ISL1: variants seen among roughly 807,000 people sequenced by gnomAD.
ISL1 encodes the protein insulin gene enhancer protein ISL-1.
In ISL1, 4 loss-of-function variants were observed where a neutral mutation model predicts 35.3. The observed-to-expected ratio is 0.11, with a 90% CI of 0.06 to 0.26. ISL1 has a LOEUF of 0.26. Among genes scored for constraint, ISL1 ranks in the 10% least tolerant of loss-of-function variants. The pLI is 1.00. For synonymous variants in ISL1, 186 were observed against 172.3 expected, an observed-to-expected ratio of 1.08 and a Z score of -0.62; for missense variants, 340 against 472.8, an observed-to-expected ratio of 0.72 and a Z score of 2.60.
rs1444345303 is a variant in ISL1, at chr5:51,389,407, T to C, written c.479-239T>C. ...AGGCCGGGATTACTCAGCAAAGACC[T>C]CTGCAGATTAGAGAGGAAGATTTTA... On this transcript the variant is annotated intron_variant, in intron 3 of 5. Transcript: ENST00000230658. The surrounding 1 kb of genome is among the most constrained non-coding windows in gnomAD (Gnocchi z 5.0). Among the ~76,000 whole-genome samples the C allele has an allele frequency of 6.6e-6, 1 of 152,098 alleles. No individual in the cohort carries two copies. Among genetic ancestry groups the C allele is most frequent in the Non-Finnish European group, 1.5e-5 (1 of 68,016 alleles).
rs757836659 is a variant in ISL1 at position 51,389,656 on chromosome 5, C to T, written c.489C>T (p.Ile163=). ...CTCCTTGCCCCGCAGCGGAGCCCAT[C>T]TCCGCCAGGCAGCCAGCCCTGCGGC... ...ARPLQMAAEP[I]SARQPALRPH... Residue 163 remains isoleucine (I), a synonymous_variant, in exon 4 of 6, where the codon ATC becomes ATT. Coordinates refer to ENST00000230658, the MANE Select transcript of ISL1 (RefSeq NM_002202.3). This position sits in a 1 kb window ranked among gnomAD's most constrained non-coding sequence, Gnocchi z 5.0. 6.2e-7 allele frequency: 1 copy of T among 1,609,570 alleles called. No individual in the cohort carries two copies. Among genetic ancestry groups the T allele is most frequent in the East Asian group, 2.2e-5 (1 of 44,804 alleles).
rs1380483229 is a variant in ISL1 at position 51,389,578 on chromosome 5, C to A, written c.479-68C>A. ...GCGGGCAAGCGAGCGAGCGAGCGAG[C>A]GCGCGACCGCGGGCGGGCCGGCAAG... On this transcript the variant is annotated intron_variant, in intron 3 of 5. Transcript: ENST00000230658. This position sits in a 1 kb window ranked among gnomAD's most constrained non-coding sequence, Gnocchi z 5.0. The A allele has an allele frequency of 7.4e-7, 1 of 1,354,730 alleles. No individual in the cohort carries two copies. The highest frequency in any genetic ancestry group is 1.7e-5 in the South Asian group (1 of 57,330). The allele number at this position is 1,354,730 out of a possible 1,614,324, so 83.9% of individuals were successfully genotyped here. A position where few individuals can be genotyped will look rare whatever the true frequency, so the allele number is the denominator to read the frequency against.
chr5:51,384,531 T>G lies in ISL1; in HGVS notation c.29-10T>G, dbSNP rs771809148. On this transcript the variant is annotated splice_polypyrimidine_tract_variant and intron_variant, in intron 1 of 5. Coordinates refer to ENST00000230658, the MANE Select transcript of ISL1 (RefSeq NM_002202.3). ...ACGGTTAGTCAATCATGTATTTATT[T>G]TCATTTCAGAAAAACGTCTGATTTC... 4 of 1,613,520 alleles carry G rather than the reference T, an allele frequency of 2.5e-6. No individual in the cohort carries two copies. The African/African-American group carries it at 4.0e-5, about 16-fold the overall frequency.
rs1465376046 is a variant in ISL1, at chr5:51,391,589, G to T, written c.933+148G>T. 34 of 851,426 alleles carry T rather than the reference G, an allele frequency of 4.0e-5. 1 individual carries two copies. In the East Asian group the frequency reaches 8.4e-4, roughly 21 times the overall value. The allele number at this position is 851,426 out of a possible 1,614,324, so 52.7% of individuals were successfully genotyped here. On this transcript the variant is annotated intron_variant, in intron 5 of 5. Transcript: ENST00000230658. The stretch of plus-strand genomic sequence containing the variant: ...AAGGAGGTGGGTAATGAAGAGAAGG[G>T]AGACAAATGCAGGGAAAACGAACCT...
At chr5:51,391,075 C>A (rs1747501938) in intron 4 of ISL1, among the ~76,000 whole-genome samples, 199 bp from the exon 5 acceptor site, 1 of 152,016 alleles carries the variant, frequency 6.6e-6, no homozygotes, top group Admixed American at 6.5e-5. Flanking sequence ...ATAGTCCAGC[C>A]CACAGAGGCA....
At chr5:51,393,414 A>C in intron 5 of ISL1, 80 bp from the exon 6 acceptor site, 1 of 829,860 alleles carries the variant, frequency 1.2e-6, no homozygotes, top group Admixed American at 1.7e-5. Context: ...ACATTTCTAC[A>C]TATACAATAT....
chr5:51,386,717 G>T (rs1300718273), intron 2 of ISL1: 1 of 432,194 alleles, frequency 2.3e-6, no homozygotes, highest in African/African-American at 2.1e-5. Flanking sequence ...ATTGAAATGA[G>T]GTAGATGATT....
In ISL1 at chr5:51,383,582, A is replaced by C; in HGVS notation, c.-90A>C. ...GCAACCCCAGGGGCCAATATTTCCCACTTAGCCACAGCTCCAGCATCCTCT... is the reference window on the plus strand; with the variant it reads ...GCAACCCCAGGGGCCAATATTTCCCCCTTAGCCACAGCTCCAGCATCCTCT... On this transcript the variant is annotated 5_prime_UTR_variant, in exon 1 of 6. Coordinates refer to ENST00000230658, the MANE Select transcript of ISL1 (RefSeq NM_002202.3). 8.9e-7 allele frequency: 1 copy of C among 1,121,760 alleles called. No individual in the cohort carries two copies. The allele number at this position is 1,121,760 out of a possible 1,614,324, so 69.5% of individuals were successfully genotyped here. A position where few individuals can be genotyped will look rare whatever the true frequency, so the allele number is the denominator to read the frequency against.
In ISL1 at chr5:51,390,636, CTTTTTCTT is replaced by C. The variant is rs1315572110; in HGVS notation, c.766-632_766-625del. ...TTTTCTTCCTTTTTTTCTTTTCTTT[CTTTTTCTT>C]TTTTTTTTTTTTTTTTTTTTTTTTT... On this transcript the variant is annotated intron_variant, in intron 4 of 5. Coordinates refer to ENST00000230658, the MANE Select transcript of ISL1 (RefSeq NM_002202.3). Among the ~76,000 whole-genome samples the C allele has an allele frequency of 2.5e-3, 187 of 74,328 alleles. 14 individuals are homozygous for C. Among genetic ancestry groups the C allele is most frequent in the Admixed American group, 5.5e-3 (36 of 6,600 alleles). 48.8% of individuals were successfully genotyped at this position (74,328 alleles called of 152,430 possible). A position where few individuals can be genotyped will look rare whatever the true frequency, so the allele number is the denominator to read the frequency against.
chr5:51,385,726 CAG>C (rs1471402190), intron 2 of ISL1, among the ~76,000 whole-genome samples: 1 of 151,988 alleles, frequency 6.6e-6, no homozygotes, highest in Admixed American at 6.5e-5. Flanking sequence ...TATTAACAAA[CAG>C]AAGAGACATC....
chr5:51,383,717 CT>C lies in ISL1; in HGVS notation c.28+20del. The C allele has an allele frequency of 6.2e-7, 1 of 1,604,878 alleles. No individual in the cohort carries two copies. The highest frequency in any genetic ancestry group is 8.5e-7 in the Non-Finnish European group (1 of 1,171,468). On this transcript the variant is annotated intron_variant, in intron 1 of 5. Transcript: ENST00000230658. Reference sequence around the variant, plus strand: ...ACCAAAAAGTAAGAGGCTATTTTACCTTGTGGGGCTCGGTGTGCTGTTCTTG... The same window carrying C: ...ACCAAAAAGTAAGAGGCTATTTTACCTGTGGGGCTCGGTGTGCTGTTCTTG...
Position 51,393,675 on chromosome 5 carries a change from G to T in ISL1, c.*65G>T. ...GTGGGAAATTATAATGTCGAACTCT[G>T]AAACAAAAGTATTTAACGACCCAGT... On this transcript the variant is annotated 3_prime_UTR_variant, in exon 6 of 6. Coordinates refer to ENST00000230658, the MANE Select transcript of ISL1 (RefSeq NM_002202.3). The T allele has an allele frequency of 1.0e-6, 1 of 997,814 alleles. No individual in the cohort carries two copies. Among genetic ancestry groups the T allele is most frequent in the Non-Finnish European group, 1.6e-6 (1 of 618,206 alleles). 61.8% of individuals were successfully genotyped at this position (997,814 alleles called of 1,614,324 possible). A position where few individuals can be genotyped will look rare whatever the true frequency, so the allele number is the denominator to read the frequency against.
chr5:51,385,580 T>TG (rs911110239), intron 2 of ISL1, among the ~76,000 whole-genome samples: 5 of 1,824 alleles, frequency 2.7e-3, no homozygotes, highest in South Asian at 0.033. Flanking sequence ...GGAGAGTTTT[T>TG]GTTTTTTTTT....
At position 51,393,625 on chromosome 5, in the gene ISL1, G is replaced by A. The variant is rs1312384654; in HGVS notation, c.*15G>A. 1.3e-6 allele frequency: 2 copies of A among 1,496,906 alleles called. No individual in the cohort carries two copies. Among genetic ancestry groups the A allele is most frequent in the Non-Finnish European group, 1.9e-6 (2 of 1,073,252 alleles). 92.7% of individuals were successfully genotyped at this position (1,496,906 alleles called of 1,614,324 possible). ...TTGAGGCATGAGGAACATTCATTCTGTATTTTTTTTCCCTGTTGGAGAAAG... is the reference window on the plus strand; with the variant it reads ...TTGAGGCATGAGGAACATTCATTCTATATTTTTTTTCCCTGTTGGAGAAAG... On this transcript the variant is annotated 3_prime_UTR_variant, in exon 6 of 6. Transcript: ENST00000230658.
Position 51,384,686 on chromosome 5 carries a change from C to G in ISL1, c.174C>G (p.Cys58Trp). 2 of 1,614,076 alleles carry G rather than the reference C, an allele frequency of 1.2e-6. No individual in the cohort carries two copies. Among genetic ancestry groups the G allele is most frequent in the Non-Finnish European group, 1.7e-6 (2 of 1,179,988 alleles). ...CNQYLDESCTCFVRDGKTYCK... is the reference protein window; with the variant it reads ...CNQYLDESCTWFVRDGKTYCK... Reference sequence around the variant, plus strand: ...AGTATTTGGACGAGAGCTGTACATGCTTTGTTAGGGATGGGAAAACCTACT... The same window carrying G: ...AGTATTTGGACGAGAGCTGTACATGGTTTGTTAGGGATGGGAAAACCTACT... The change falls in exon 2 of 6, where the codon TGC becomes TGG. Residue 58 changes from cysteine (C) to tryptophan (W), a missense_variant. Cys to Trp is a radical substitution (Grantham distance 215). Around this residue, in one of 7 missense-constraint regions of ISL1, gnomAD observed 70 missense variants for 130.3 expected, o/e 0.54. Coordinates refer to ENST00000230658, the MANE Select transcript of ISL1 (RefSeq NM_002202.3).
chr5:51,389,136 C>T lies in ISL1; in HGVS notation c.479-510C>T, dbSNP rs1418767978. Among the ~76,000 whole-genome samples the T allele has an allele frequency of 6.6e-6, 1 of 152,102 alleles. No homozygotes were observed. Among genetic ancestry groups the T allele is most frequent in the Non-Finnish European group, 1.5e-5 (1 of 68,026 alleles). On this transcript the variant is annotated intron_variant, in intron 3 of 5. Transcript: ENST00000230658. This position sits in a 1 kb window ranked among gnomAD's most constrained non-coding sequence, Gnocchi z 5.0. ...CTGCTGGTGTAGTATTTATGGCTGT[C>T]ACTGAAGTGCTCTGCGTTCCTTTCC...
intron 3 of ISL1, among the ~76,000 whole-genome samples, chr5:51,388,308 C>T (rs1302484539): frequency 6.6e-6 from 1 of 152,162 alleles, no homozygotes; most frequent in African/African-American, 2.4e-5. Flanking sequence ...GTTTTAAAAA[C>T]TGCAGGCCAT....
At position 51,391,329 on chromosome 5, in the gene ISL1, A is replaced by G. The variant is rs1180039917; in HGVS notation, c.821A>G (p.Asp274Gly). The part of the protein sequence containing the change: ...PMVAASPERH[D>G]GGLQANPVEV... ...GTGGCTGCCAGTCCAGAGAGACACG[A>G]CGGTGGCTTACAGGCTAACCCAGTG... Residue 274 changes from aspartate (D) to glycine (G), a missense_variant, in exon 5 of 6, where the codon GAC (aspartate) becomes GGC (glycine). By Grantham distance (94) the Asp-to-Gly change is moderately conservative. Around this residue, in one of 7 missense-constraint regions of ISL1, gnomAD observed 104 missense variants for 97.3 expected, o/e 1.07. Transcript: ENST00000230658. 6.2e-7 allele frequency: 1 copy of G among 1,613,852 alleles called. No individual in the cohort carries two copies. The highest frequency in any genetic ancestry group is 2.2e-5 in the East Asian group (1 of 44,868).
chr5:51,383,763 CACAGG>C, intron 1 of ISL1, 64 bp downstream of exon 1: 1 of 1,428,674 alleles, frequency 7.0e-7, no homozygotes, highest in Non-Finnish European at 9.9e-7. Flanking sequence ...CTCTCTCAGG[CACAGG>C]CTGAGGTGCC....
Sources: gnomAD v4.1 joint callset for allele counts (sites outside exome capture counted in the v4.1 genomes callset) on GRCh38, gnomAD v4.1.1 for gene constraint, gnomAD v4.1.1 regional missense constraint, Gnocchi (gnomAD v3.1) non-coding constraint, MANE v1.5 for transcripts, NCBI Gene and HGNC (gene_info 2026-07-23, HGNC 2026-07-21) for gene names.